ADK: variants seen among roughly 807,000 people sequenced by gnomAD.
The protein encoded by ADK is N6,N6-dimethyladenosine kinase.
A neutral mutation model predicts 44.7 loss-of-function variants in ADK; 24 were observed. That is an observed-to-expected ratio of 0.54 (90% CI 0.39 to 0.76). ADK has a LOEUF of 0.76. Ranked by LOEUF, ADK falls within the 30% of genes least tolerant of loss-of-function variation. The probability of loss-of-function intolerance (pLI) is 0.00; values close to 1 mark genes in which losing one functional copy is unlikely to be tolerated. For missense variants in ADK, 321 were observed against 425.1 expected (o/e 0.76, Z 2.15); for synonymous variants, 128 against 142.6 (o/e 0.90, Z 0.73).
chr10:74,259,627 T>C lies in ADK; in HGVS notation c.194+35036T>C, dbSNP rs190445030. 3.1e-3 allele frequency among the ~76,000 whole-genome samples: 466 copies of C among 152,016 alleles called. 2 individuals are homozygous for C. The highest frequency in any genetic ancestry group is 0.01 in the Middle Eastern group (3 of 294). ...ACCCGCCACCATGCCTGGCTATTTT[T>C]TTTGTATTTTTAGTAGAGACGGGGT... On this transcript the variant is annotated intron_variant, in intron 3 of 10. Coordinates refer to ENST00000539909, the MANE Select transcript of ADK (RefSeq NM_006721.4).
chr10:74,258,105 C>CT (rs1426569342), intron 3 of ADK, among the ~76,000 whole-genome samples: 1 of 151,960 alleles, frequency 6.6e-6, no homozygotes, highest in Non-Finnish European at 1.5e-5. Context: ...TGAGCTTTTC[C>CT]TCTTGCTTGA....
chr10:74,329,291 T>A (rs924237254), intron 4 of ADK, among the ~76,000 whole-genome samples: 3 of 152,056 alleles, frequency 2.0e-5, no homozygotes. Flanking sequence ...AAAAACCAAA[T>A]AGTCTAGATT....
intron 6 of ADK, among the ~76,000 whole-genome samples, chr10:74,431,344 T>C (rs1038111841): frequency 6.6e-6 from 1 of 152,210 alleles, no homozygotes; most frequent in Non-Finnish European, 1.5e-5. Flanking sequence ...CCCAAATGTT[T>C]GTGTCTGCTT....
chr10:74,588,440 C>T (rs1294546994), intron 7 of ADK, among the ~76,000 whole-genome samples: 1 of 152,152 alleles, frequency 6.6e-6, no homozygotes, highest in Non-Finnish European at 1.5e-5. Context: ...AGTTGTCCTA[C>T]AGAATGTCCT....
intron 3 of ADK, among the ~76,000 whole-genome samples, chr10:74,307,048 A>G (rs1321365526): frequency 6.6e-6 from 1 of 152,072 alleles, no homozygotes; most frequent in Non-Finnish European, 1.5e-5. Context: ...TGCTAAGCAC[A>G]AAGTGTGAAT....
At chr10:74,353,169 C>A (rs909905417) in intron 4 of ADK, among the ~76,000 whole-genome samples, 2 of 152,020 alleles carry the variant, frequency 1.3e-5, no homozygotes, top group African/African-American at 4.8e-5. Flanking sequence ...CAACCTGATG[C>A]CCGTCAATGA....
At chr10:74,475,461 A>G (rs187190305) in intron 6 of ADK, among the ~76,000 whole-genome samples, 38 of 152,220 alleles carry the variant, frequency 2.5e-4, no homozygotes, top group Admixed American at 1.8e-3. Flanking sequence ...CTCTAATCCT[A>G]ACACTTTGGG....
intron 9 of ADK, chr10:74,655,769 C>T: frequency 2.0e-6 from 1 of 495,212 alleles, no homozygotes; most frequent in African/African-American, 2.0e-5. Context: ...CCCTCCCTGG[C>T]CACCCACCTA....
chr10:74,313,786 G>C (rs919167651), intron 3 of ADK, among the ~76,000 whole-genome samples: 7 of 150,710 alleles, frequency 4.6e-5, no homozygotes, highest in Non-Finnish European at 7.4e-5. Context: ...ACAGATCTCA[G>C]ACCACCTAAT....
At chr10:74,282,630 T>C (rs1182576307) in intron 3 of ADK, among the ~76,000 whole-genome samples, 1 of 152,184 alleles carries the variant, frequency 6.6e-6, no homozygotes, top group African/African-American at 2.4e-5. Flanking sequence ...AGAATAACCA[T>C]GATGATGAGA....
chr10:74,355,739 T>C (rs780338747), intron 4 of ADK, among the ~76,000 whole-genome samples: 1 of 152,204 alleles, frequency 6.6e-6, no homozygotes, highest in Non-Finnish European at 1.5e-5. Flanking sequence ...ATTTGGACAA[T>C]TGGTCTGTAT....
chr10:74,611,797 A>G (rs1447939174), intron 9 of ADK, among the ~76,000 whole-genome samples: 1 of 152,080 alleles, frequency 6.6e-6, no homozygotes, highest in Non-Finnish European at 1.5e-5. Context: ...GCTGCAAAGG[A>G]CATTATTTCC....
At chr10:74,265,621 CTT>C (rs201327671) in intron 3 of ADK, among the ~76,000 whole-genome samples, 1 of 84,826 alleles carries the variant, frequency 1.2e-5, no homozygotes. Context: ...AAAACAATCA[CTT>C]TATCAAAGTC....
intron 3 of ADK, among the ~76,000 whole-genome samples, chr10:74,257,588 A>G (rs532091092): frequency 1.1e-4 from 17 of 152,196 alleles, no homozygotes; most frequent in Non-Finnish European, 2.4e-4. Flanking sequence ...TACATAATCT[A>G]TAGATACTTT....
At chr10:74,540,850 A>G (rs1376918989) in intron 7 of ADK, among the ~76,000 whole-genome samples, 1 of 152,156 alleles carries the variant, frequency 6.6e-6, no homozygotes, top group Non-Finnish European at 1.5e-5. Flanking sequence ...AAAGTGCTAG[A>G]CCTAAATTTA....
chr10:74,690,549 G>A (rs1330598544), intron 10 of ADK, among the ~76,000 whole-genome samples: 1 of 152,112 alleles, frequency 6.6e-6, no homozygotes, highest in African/African-American at 2.4e-5. Flanking sequence ...TCCCCATTTT[G>A]TCTTTCCCGC....
intron 7 of ADK, among the ~76,000 whole-genome samples, chr10:74,531,930 C>T (rs540609801): frequency 6.6e-6 from 1 of 152,310 alleles, no homozygotes; most frequent in African/African-American, 2.4e-5. Flanking sequence ...TATCTTATTT[C>T]ATGAGGTCAG....
chr10:74,383,764 C>G (rs1337336248), intron 4 of ADK, among the ~76,000 whole-genome samples: 1 of 85,286 alleles, frequency 1.2e-5, no homozygotes, highest in African/African-American at 3.2e-5. Context: ...CTTAGCAAGA[C>G]CTGTTTGTTT....
intron 7 of ADK, among the ~76,000 whole-genome samples, chr10:74,588,986 GTCTT>G (rs1484482598): frequency 5.3e-5 from 8 of 152,176 alleles, no homozygotes. Context: ...TCCTTGGATT[GTCTT>G]TCTTTGCTGA....
Sources: gnomAD v4.1 joint callset for allele counts (sites outside exome capture counted in the v4.1 genomes callset) on GRCh38, gnomAD v4.1.1 for gene constraint, MANE v1.5 for transcripts, NCBI Gene and HGNC (gene_info 2026-07-23, HGNC 2026-07-21) for gene names.